Variants in RCOR1 observed in about 807,000 individuals in gnomAD.
RCOR1 encodes REST corepressor.
RCOR1 carries 12 observed loss-of-function variants against 64.0 expected under a neutral mutation model. That is an observed-to-expected ratio of 0.19 (90% CI 0.12 to 0.30). RCOR1 has a LOEUF of 0.30. RCOR1 is among the 10% of genes least tolerant of loss of function. RCOR1 has a pLI of 1.00. For missense variants in RCOR1, 502 were observed against 621.2 expected, an observed-to-expected ratio of 0.81 and a Z score of 2.04; for synonymous variants, 279 against 227.2, an observed-to-expected ratio of 1.23 and a Z score of -2.05.
intron 2 of RCOR1, among the ~76,000 whole-genome samples, chr14:102,599,688 A>AC (rs775010315): frequency 9.2e-5 from 14 of 152,174 alleles, no homozygotes; most frequent in Non-Finnish European, 2.1e-4. Flanking sequence ...ATTTTACTGA[A>AC]CAGGGTGTCT....
At chr14:102,676,015 A>T (rs545420660) in intron 2 of RCOR1, among the ~76,000 whole-genome samples, 11 of 145,106 alleles carry the variant, frequency 7.6e-5, no homozygotes, top group African/African-American at 2.5e-4. Flanking sequence ...CATTGAAAAC[A>T]TCTGAATATT....
intron 2 of RCOR1, among the ~76,000 whole-genome samples, chr14:102,646,839 A>T (rs1158138610): frequency 6.6e-6 from 1 of 152,236 alleles, no homozygotes; most frequent in Non-Finnish European, 1.5e-5. Context: ...ACGTGCGCTC[A>T]CACACAGTGG....
At chr14:102,613,795 A>C (rs1893688064) in intron 2 of RCOR1, among the ~76,000 whole-genome samples, 1 of 150,060 alleles carries the variant, frequency 6.7e-6, no homozygotes, top group Non-Finnish European at 1.5e-5. Context: ...GGCCTCAAGC[A>C]GTCCTCTACC....
intron 2 of RCOR1, chr14:102,655,338 A>T: frequency 1.0e-6 from 1 of 985,136 alleles, no homozygotes; most frequent in Non-Finnish European, 1.2e-6. Context: ...GTTGTACTTT[A>T]CTTTAGAATG....
In RCOR1 at chr14:102,600,366, C is replaced by T. The variant is rs1040398534; in HGVS notation, c.361+7041C>T. ...CTGGGATTACAAGCGTGAGCCACCG[C>T]GCCCAGCCAGTGATTGATTGATTGA... On this transcript the variant is annotated intron_variant, in intron 2 of 11. Transcript: ENST00000262241. Among the ~76,000 whole-genome samples, 62 of 151,946 alleles carry T rather than the reference C, an allele frequency of 4.1e-4. 1 individual carries two copies. Among genetic ancestry groups the T allele is most frequent in the Admixed American group, 2.6e-3 (39 of 15,228 alleles).
intron 2 of RCOR1, among the ~76,000 whole-genome samples, chr14:102,673,561 T>A (rs1895075472): frequency 6.6e-6 from 1 of 152,092 alleles, no homozygotes; most frequent in African/African-American, 2.4e-5. Context: ...GGTCTCGATC[T>A]CCTGACCTTG....
intron 2 of RCOR1, among the ~76,000 whole-genome samples, chr14:102,599,405 T>TA (rs1211184690): frequency 6.6e-6 from 1 of 152,110 alleles, no homozygotes; most frequent in East Asian, 1.9e-4. Context: ...GTGCTGGGCT[T>TA]ACAGGTGTGA....
intron 3 of RCOR1, among the ~76,000 whole-genome samples, chr14:102,693,604 A>G (rs1895583223): frequency 1.3e-5 from 2 of 151,096 alleles, no homozygotes; most frequent in Non-Finnish European, 3.0e-5. Flanking sequence ...GCCCTCTCAT[A>G]CTCAGTCTCA....
At chr14:102,624,456 G>A (rs542627307) in intron 2 of RCOR1, among the ~76,000 whole-genome samples, 1 of 147,814 alleles carries the variant, frequency 6.8e-6, no homozygotes, top group East Asian at 2.0e-4. Context: ...AGTGAGCCAA[G>A]ATCATGCCAA....
chr14:102,649,062 AAAAC>A (rs1166314362), intron 2 of RCOR1, among the ~76,000 whole-genome samples: 15 of 147,658 alleles, frequency 1.0e-4, no homozygotes, highest in African/African-American at 3.8e-4. Flanking sequence ...ACAAGCAAAA[AAAAC>A]AAAAAAAAAA....
At chr14:102,706,386 A>G (rs937816522) in intron 4 of RCOR1, among the ~76,000 whole-genome samples, 5 of 152,150 alleles carry the variant, frequency 3.3e-5, no homozygotes. Context: ...ATGGTATCCC[A>G]TGCAAGTAGT....
chr14:102,651,205 AAATC>A (rs1311044839), intron 2 of RCOR1: 1 of 270,616 alleles, frequency 3.7e-6, no homozygotes, highest in Non-Finnish European at 5.6e-6. Context: ...GTGAAGTGGG[AAATC>A]AGGGGTCTCA....
chr14:102,669,401 C>A (rs1461012077), intron 2 of RCOR1, among the ~76,000 whole-genome samples: 1 of 151,876 alleles, frequency 6.6e-6, no homozygotes, highest in African/African-American at 2.4e-5. Flanking sequence ...GAACTGTTGT[C>A]AGTTGAGAAT....
intron 2 of RCOR1, among the ~76,000 whole-genome samples, chr14:102,623,391 T>A (rs993298259): frequency 0.012 from 1,445 of 117,656 alleles, 21 homozygotes; most frequent in African/African-American, 0.063. Context: ...TTATTTATTA[T>A]TTATTTATTT....
chr14:102,593,244 C>G, intron 1 of RCOR1, 22 bp from the exon 2 acceptor site: 2 of 1,507,032 alleles, frequency 1.3e-6, no homozygotes, highest in Non-Finnish European at 1.8e-6. Flanking sequence ...GCGCTGACCG[C>G]CGTATTCTGC....
intron 2 of RCOR1, among the ~76,000 whole-genome samples, chr14:102,599,922 GCCT>G (rs1893351050): frequency 6.6e-6 from 1 of 151,052 alleles, no homozygotes; most frequent in East Asian, 1.9e-4. Context: ...TCCCCCCTCA[GCCT>G]CATCAGTTGC....
intron 2 of RCOR1, among the ~76,000 whole-genome samples, chr14:102,677,125 C>T (rs1477534578): frequency 1.5e-5 from 2 of 137,684 alleles, no homozygotes; most frequent in Non-Finnish European, 3.2e-5. Context: ...GAGCCCCTCA[C>T]CTCCCGGACG....
At chr14:102,712,413 A>AT (rs1041352153) in intron 7 of RCOR1, among the ~76,000 whole-genome samples, 13 of 150,984 alleles carry the variant, frequency 8.6e-5, no homozygotes, top group African/African-American at 2.7e-4. Context: ...TGGACCTTGA[A>AT]TTTTTTTTTA....
intron 2 of RCOR1, among the ~76,000 whole-genome samples, chr14:102,614,290 T>C (rs1056949712): frequency 1.3e-5 from 2 of 148,232 alleles, no homozygotes; most frequent in African/African-American, 5.0e-5. Flanking sequence ...AGTGGCGCCA[T>C]CTCGGCTCAC....
Sources: gnomAD v4.1 joint callset for allele counts (sites outside exome capture counted in the v4.1 genomes callset) on GRCh38, gnomAD v4.1.1 for gene constraint, MANE v1.5 for transcripts, NCBI Gene and HGNC (gene_info 2026-07-23, HGNC 2026-07-21) for gene names.